The following AGBL4 variants were observed in gnomAD, a reference collection of about 807,000 sequenced individuals.
AGBL4 encodes AGBL carboxypeptidase 4.
A neutral mutation model predicts 66.4 loss-of-function variants in AGBL4; 58 were observed. That is an observed-to-expected ratio of 0.87 (90% confidence interval 0.71 to 1.09). The LOEUF (loss-of-function observed/expected upper bound fraction) is 1.09, where lower values mean the gene tolerates loss of function less well. Ranked by LOEUF, AGBL4 falls within the 50% of genes least tolerant of loss-of-function variation. The pLI, the probability that AGBL4 is intolerant of heterozygous loss-of-function variation, is 0.00. For synonymous variants in AGBL4, 234 were observed against 222.9 expected (o/e 1.05, Z -0.44); for missense variants, 579 against 631.0 (o/e 0.92, Z 0.88).
intron 3 of AGBL4, among the ~76,000 whole-genome samples, chr1:49,639,668 C>T (rs1645743746): frequency 6.6e-6 from 1 of 151,984 alleles, no homozygotes; most frequent in Non-Finnish European, 1.5e-5. Context: ...TGCATACAAA[C>T]AAAAATAAGA....
chr1:48,688,750 T>C (rs971182232), intron 6 of AGBL4, among the ~76,000 whole-genome samples: 13 of 151,130 alleles, frequency 8.6e-5, no homozygotes, highest in African/African-American at 2.9e-4. Context: ...GGGTGGAAAA[T>C]GGTTTGGTCA....
chr1:49,809,634 A>C (rs1645054448), intron 2 of AGBL4, among the ~76,000 whole-genome samples: 2 of 152,216 alleles, frequency 1.3e-5, no homozygotes, highest in African/African-American at 4.8e-5. Context: ...CACATTTAAA[A>C]ATGTGTTACA....
At chr1:48,741,808 T>C (rs1649955522) in intron 6 of AGBL4, among the ~76,000 whole-genome samples, 1 of 152,210 alleles carries the variant, frequency 6.6e-6, no homozygotes, top group Admixed American at 6.5e-5. Flanking sequence ...ATGTCTGTAA[T>C]GCATGCCACA....
At chr1:49,208,675 TC>T (rs1648436298) in intron 4 of AGBL4, among the ~76,000 whole-genome samples, 1 of 152,050 alleles carries the variant, frequency 6.6e-6, no homozygotes, top group Non-Finnish European at 1.5e-5. Context: ...AGTGCATTTG[TC>T]CCACAGAATT....
chr1:49,993,486 T>C (rs1660118611), intron 1 of AGBL4, among the ~76,000 whole-genome samples: 2 of 152,214 alleles, frequency 1.3e-5, no homozygotes, highest in Admixed American at 1.3e-4. Context: ...CTAACTCCTC[T>C]GTGCAGTTGT....
intron 3 of AGBL4, among the ~76,000 whole-genome samples, chr1:49,525,687 A>G (rs1425293091): frequency 6.6e-6 from 1 of 152,042 alleles, no homozygotes; most frequent in East Asian, 1.9e-4. Context: ...AAGAGGCCAG[A>G]CGGGAGTTCA....
intron 6 of AGBL4, among the ~76,000 whole-genome samples, chr1:48,801,777 A>G (rs2148744173): frequency 6.6e-6 from 1 of 152,180 alleles, no homozygotes; most frequent in South Asian, 2.1e-4. Flanking sequence ...TCTTCTTTGC[A>G]TGTTTTTGCA....
At chr1:49,672,015 A>G (rs1646485821) in intron 3 of AGBL4, among the ~76,000 whole-genome samples, 1 of 152,186 alleles carries the variant, frequency 6.6e-6, no homozygotes, top group Admixed American at 6.5e-5. Context: ...AAAGCATGCT[A>G]CCACAAAGAC....
At chr1:48,653,675 C>G (rs768533510) in intron 7 of AGBL4, among the ~76,000 whole-genome samples, 2 of 152,062 alleles carry the variant, frequency 1.3e-5, no homozygotes, top group African/African-American at 2.4e-5. Flanking sequence ...CATTGAAGCC[C>G]ATGGGCAGGA....
At chr1:49,438,540 C>A (rs1392030969) in intron 3 of AGBL4, among the ~76,000 whole-genome samples, 1 of 152,150 alleles carries the variant, frequency 6.6e-6, no homozygotes, top group East Asian at 1.9e-4. Flanking sequence ...TAGAGAACAA[C>A]AGAAAACAAG....
chr1:48,716,730 C>T (rs1647057422), intron 6 of AGBL4, among the ~76,000 whole-genome samples: 1 of 152,168 alleles, frequency 6.6e-6, no homozygotes, highest in Non-Finnish European at 1.5e-5. Flanking sequence ...GGCGGTGGGT[C>T]AGTCCCGGGT....
At chr1:48,676,553 A>G (rs893927030) in intron 6 of AGBL4, among the ~76,000 whole-genome samples, 3 of 152,238 alleles carry the variant, frequency 2.0e-5, no homozygotes, top group Non-Finnish European at 4.4e-5. Flanking sequence ...TGCCTGCCAC[A>G]TAGGAAATCT....
chr1:49,767,751 G>C (rs913986042), intron 2 of AGBL4, among the ~76,000 whole-genome samples: 1 of 151,784 alleles, frequency 6.6e-6, no homozygotes, highest in African/African-American at 2.4e-5. Flanking sequence ...AATCAGAAAT[G>C]ACAAAGGTGA....
At chr1:48,690,561 A>G (rs1175073898) in intron 6 of AGBL4, among the ~76,000 whole-genome samples, 1 of 152,218 alleles carries the variant, frequency 6.6e-6, no homozygotes, top group Non-Finnish European at 1.5e-5. Context: ...TAAGGGTCAC[A>G]CTGACATTAG....
At chr1:49,193,715 A>T (rs959677192) in intron 4 of AGBL4, among the ~76,000 whole-genome samples, 2 of 149,288 alleles carry the variant, frequency 1.3e-5, no homozygotes, top group Admixed American at 6.7e-5. Context: ...TTTTTTTTTT[A>T]GTAGAGATGG....
At chr1:48,818,033 G>A (rs897731412) in intron 6 of AGBL4, 1 of 708,922 alleles carries the variant, frequency 1.4e-6, no homozygotes, top group African/African-American at 1.8e-5. Flanking sequence ...CCGAGATTAG[G>A]TCAAATTCAT....
At chr1:49,157,890 G>A (rs987584474) in intron 4 of AGBL4, among the ~76,000 whole-genome samples, 2 of 152,146 alleles carry the variant, frequency 1.3e-5, no homozygotes, top group African/African-American at 4.8e-5. Flanking sequence ...TTTGAGAAGT[G>A]TCTGTTCATA....
chr1:49,141,221 GA>G (rs1215077385), intron 4 of AGBL4, among the ~76,000 whole-genome samples: 1 of 152,100 alleles, frequency 6.6e-6, no homozygotes, highest in African/African-American at 2.4e-5. Flanking sequence ...GAATTCAAAT[GA>G]ATTAGAGACT....
At chr1:49,244,551 T>C (rs1269437509) in intron 4 of AGBL4, among the ~76,000 whole-genome samples, 1 of 151,840 alleles carries the variant, frequency 6.6e-6, no homozygotes, top group African/African-American at 2.4e-5. Flanking sequence ...AATTGCCAAG[T>C]ATCATTTGGA....
Sources: allele counts gnomAD v4.1 joint callset (sites outside exome capture counted in the v4.1 genomes callset), GRCh38; gene constraint gnomAD v4.1.1; transcripts MANE v1.5; gene names NCBI Gene and HGNC (gene_info 2026-07-23, HGNC 2026-07-21).